The following MCF2L2 variants were observed in gnomAD, a reference collection of about 807,000 sequenced individuals.
MCF2L2 encodes MCF.2 cell line derived transforming sequence-like 2, also known as probable guanine nucleotide exchange factor MCF2L2.
MCF2L2 carries 102 observed loss-of-function variants against 150.2 expected under a neutral mutation model. That is an observed-to-expected ratio of 0.68 (90% CI 0.58 to 0.80). The LOEUF (loss-of-function observed/expected upper bound fraction) is 0.80, where lower values mean the gene tolerates loss of function less well. Among genes scored for constraint, MCF2L2 ranks in the 30% least tolerant of loss-of-function variants. The probability of loss-of-function intolerance (pLI) is 0.00; values close to 1 mark genes in which losing one functional copy is unlikely to be tolerated. For missense variants in MCF2L2, 1,256 were observed against 1,372.8 expected (o/e 0.91, Z 1.34); for synonymous variants, 465 against 491.3 (o/e 0.95, Z 0.71).
At chr3:183,187,048 AT>A (rs1228846311) in intron 27 of MCF2L2, among the ~76,000 whole-genome samples, 43 of 152,364 alleles carry the variant, frequency 2.8e-4, no homozygotes, top group Admixed American at 1.0e-3. Flanking sequence ...GATATGTAAA[AT>A]AACCCACCAT....
At chr3:183,333,978 A>C (rs919378255) in intron 5 of MCF2L2, among the ~76,000 whole-genome samples, 3 of 146,700 alleles carry the variant, frequency 2.0e-5, no homozygotes, top group African/African-American at 8.1e-5. Flanking sequence ...AAAAAAAAAA[A>C]AAATGATAGG....
rs1372476172 is a variant in MCF2L2 at position 183,428,585 on chromosome 3, C to T, written c.-608G>A. 6.6e-6 allele frequency: 1 copy of T among 152,428 alleles called. No individual in the cohort carries two copies. The highest frequency in any genetic ancestry group is 1.9e-4 in the East Asian group (1 of 5,186). The allele number at this position is 152,428 out of a possible 1,614,324, so 9.4% of individuals were successfully genotyped here. On this transcript the variant is annotated 5_prime_UTR_variant, in exon 1 of 30. Transcript: ENST00000328913. This position sits in a 1 kb window ranked among gnomAD's most constrained non-coding sequence, Gnocchi z 5.1. ...CCACCCCCGGAGTGGAGCTCCGGTC[C>T]TTACTCGGAACCGTGGGGCGGGGAG...
At chr3:183,304,263 C>A (rs1423362999) in intron 10 of MCF2L2, among the ~76,000 whole-genome samples, 4 of 152,194 alleles carry the variant, frequency 2.6e-5, no homozygotes, top group African/African-American at 9.7e-5. Flanking sequence ...GTGCATGCTG[C>A]ATCTTAGGTA....
chr3:183,310,925 T>C lies in MCF2L2; in HGVS notation c.983A>G (p.Asp328Gly). The C allele has an allele frequency of 1.2e-6, 2 of 1,611,914 alleles. No individual in the cohort carries two copies. The highest frequency in any genetic ancestry group is 2.2e-5 in the South Asian group (2 of 90,828). ...QCLQLQHFEH[D>G]FCKAKLALDN... ...ACAAGAAAAGAATACCTTACAAAAA[T>C]CGTGCTCAAAATGCTGTAGTTGTAG... is the stretch of plus-strand genomic sequence containing the variant. The change falls in exon 9 of 30, where the codon GAT becomes GGT. Residue 328 changes from aspartate (D) to glycine (G), a missense_variant. Asp to Gly is a moderately conservative substitution (Grantham distance 94). Coordinates refer to ENST00000328913, the MANE Select transcript of MCF2L2 (RefSeq NM_015078.4).
chr3:183,233,929 T>C (rs1173830448), intron 15 of MCF2L2, among the ~76,000 whole-genome samples: 1 of 152,188 alleles, frequency 6.6e-6, no homozygotes, highest in Non-Finnish European at 1.5e-5. Context: ...TGTCTATTTA[T>C]AAATACTTGT....
At chr3:183,287,045 A>G (rs1169014926) in intron 14 of MCF2L2, among the ~76,000 whole-genome samples, 1 of 152,176 alleles carries the variant, frequency 6.6e-6, no homozygotes, top group Non-Finnish European at 1.5e-5. Flanking sequence ...ATGGCAAAAG[A>G]AGGAAGAAAC....
At chr3:183,258,115 G>GCC (rs1426795733) in intron 15 of MCF2L2, among the ~76,000 whole-genome samples, 35 of 151,958 alleles carry the variant, frequency 2.3e-4, no homozygotes, top group East Asian at 1.9e-4. Flanking sequence ...TTACAGGCAT[G>GCC]CTCCACCACA....
intron 15 of MCF2L2, chr3:183,269,815 G>A (rs1405628347): frequency 6.2e-7 from 1 of 1,607,222 alleles, no homozygotes; most frequent in African/African-American, 1.3e-5. Context: ...ATGTTGGTTA[G>A]TGGCAGAAGA....
intron 15 of MCF2L2, among the ~76,000 whole-genome samples, chr3:183,257,673 G>A (rs1576976446): frequency 6.6e-6 from 1 of 152,134 alleles, no homozygotes; most frequent in African/African-American, 2.4e-5. Context: ...TGCTTCTAAA[G>A]ACAATGTCCA....
chr3:183,367,227 C>CTTTTTTTT (rs11340213), intron 3 of MCF2L2, among the ~76,000 whole-genome samples: 1 of 140,460 alleles, frequency 7.1e-6, no homozygotes, highest in African/African-American at 2.6e-5. Context: ...TTCTTTCTTT[C>CTTTTTTTT]TTTTTTTTTT....
intron 7 of MCF2L2, among the ~76,000 whole-genome samples, chr3:183,317,002 C>T (rs764064024): frequency 5.3e-5 from 8 of 152,100 alleles, no homozygotes. Flanking sequence ...CAACTACGCC[C>T]GGCCATTGTT....
At chr3:183,316,674 A>G (rs549901756) in intron 7 of MCF2L2, among the ~76,000 whole-genome samples, 1 of 147,840 alleles carries the variant, frequency 6.8e-6, no homozygotes, top group Admixed American at 6.8e-5. Context: ...ACTGACAGTA[A>G]TCTTTGGAAT....
intron 15 of MCF2L2, among the ~76,000 whole-genome samples, chr3:183,257,120 C>G (rs1173957979): frequency 1.3e-5 from 2 of 152,132 alleles, no homozygotes; most frequent in South Asian, 2.1e-4. Flanking sequence ...CAAACAGATT[C>G]TAGAGAAAGG....
At chr3:183,264,263 C>T (rs1725894280) in intron 15 of MCF2L2, among the ~76,000 whole-genome samples, 1 of 152,192 alleles carries the variant, frequency 6.6e-6, no homozygotes, top group Non-Finnish European at 1.5e-5. Flanking sequence ...TGTTCCTACT[C>T]CTGCAGCCAC....
chr3:183,218,583 G>A (rs1723031795), intron 21 of MCF2L2, among the ~76,000 whole-genome samples: 1 of 152,086 alleles, frequency 6.6e-6, no homozygotes, highest in Non-Finnish European at 1.5e-5. Flanking sequence ...GCAGTGAGCC[G>A]AAACTGCGCC....
chr3:183,206,067 G>C, intron 24 of MCF2L2, 55 bp downstream of exon 24: 1 of 1,574,242 alleles, frequency 6.4e-7, no homozygotes, highest in Non-Finnish European at 8.7e-7. Context: ...GTCAAGTCAT[G>C]GGAACACAAT....
rs1721882298 is a variant in MCF2L2, at chr3:183,191,275, C to CTGA, written c.3016+1723_3016+1724insTCA. Among the ~76,000 whole-genome samples, 10 of 151,820 alleles carry CTGA rather than the reference C, an allele frequency of 6.6e-5. No individual in the cohort carries two copies. In the South Asian group the frequency reaches 2.1e-3, roughly 32 times the overall value. ...CCTGTGCTCACACATGCATGGCCTC[C>CTGA]CTATCACCATCCCCCACCAGAGAGG... On this transcript the variant is annotated intron_variant, in intron 27 of 29. Coordinates refer to ENST00000328913, the MANE Select transcript of MCF2L2 (RefSeq NM_015078.4).
intron 27 of MCF2L2, among the ~76,000 whole-genome samples, chr3:183,190,317 A>G (rs1721833192): frequency 6.6e-6 from 1 of 152,204 alleles, no homozygotes; most frequent in Non-Finnish European, 1.5e-5. Flanking sequence ...CTTAACACCA[A>G]TAATGAGGTC....
chr3:183,180,392 C>A, intron 27 of MCF2L2: 1 of 467,622 alleles, frequency 2.1e-6, no homozygotes, highest in Admixed American at 3.9e-5. Context: ...ACATGCTGTT[C>A]ATGGCCCTAC....
Sources: allele counts gnomAD v4.1 joint callset (sites outside exome capture counted in the v4.1 genomes callset), GRCh38; gene constraint gnomAD v4.1.1; non-coding constraint Gnocchi (gnomAD v3.1); transcripts MANE v1.5; gene names NCBI Gene and HGNC (gene_info 2026-07-23, HGNC 2026-07-21).